The following STXBP2 variants were observed in gnomAD, a reference collection of about 807,000 sequenced individuals.
STXBP2 encodes the protein syntaxin-binding protein 2.
STXBP2 carries 47 observed loss-of-function variants against 72.2 expected under a neutral mutation model. The ratio of observed to expected loss-of-function variants is 0.65; its 90% CI spans 0.51 to 0.83. STXBP2 has a LOEUF of 0.83. Ranked by LOEUF, STXBP2 falls within the 40% of genes least tolerant of loss-of-function variation. STXBP2 has a pLI of 0.00. For synonymous variants in STXBP2, 367 were observed against 338.7 expected (o/e 1.08, Z -0.92); for missense variants, 702 against 807.6 (o/e 0.87, Z 1.58).
At chr19:7,630,536 G>A in the STXBP2 span, 3 of 1,465,136 alleles carry the variant, frequency 2.0e-6, no homozygotes, top group African/African-American at 1.4e-5. Flanking sequence ...CACATTGCTT[G>A]GGGGGAGCTC....
the STXBP2 span, chr19:7,631,661 C>T: frequency 1.6e-5 from 23 of 1,453,234 alleles, no homozygotes; most frequent in South Asian, 1.3e-4. Flanking sequence ...TTTTGGGGGC[C>T]GAGTGAGACC....
chr19:7,640,255 T>A (rs569674011), intron 4 of STXBP2: 3 of 542,718 alleles, frequency 5.5e-6, no homozygotes, highest in Non-Finnish European at 1.1e-5. Flanking sequence ...TGTGTGTGCA[T>A]GTGTGTATGC....
upstream of STXBP2, among the ~76,000 whole-genome samples, chr19:7,634,544 T>TA (rs200933273): frequency 3.0e-4 from 46 of 152,314 alleles, no homozygotes; most frequent in East Asian, 6.7e-3. Context: ...TTGTTATATA[T>TA]TTTTATATAG....
chr19:7,645,384 T>C (rs987970910), intron 15 of STXBP2, 78 bp downstream of exon 15: 1 of 1,330,890 alleles, frequency 7.5e-7, no homozygotes, highest in Non-Finnish European at 1.0e-6. Flanking sequence ...CAGAGGGCCA[T>C]TGGTGCACAG....
intron 13 of STXBP2, chr19:7,644,376 A>G (rs1448896734): frequency 1.8e-6 from 1 of 567,144 alleles, no homozygotes; most frequent in African/African-American, 2.0e-5. Context: ...GTCTCAGGAT[A>G]GTGGTGTGAC....
At chr19:7,640,441 CATGTGTGT>C in intron 4 of STXBP2, 1 of 602,454 alleles carries the variant, frequency 1.7e-6, no homozygotes, top group African/African-American at 2.3e-5. Flanking sequence ...TGTGTGTGTG[CATGTGTGT>C]ATGTATGTGT....
At chr19:7,639,159 C>T (rs2146206963) in intron 3 of STXBP2, 59 bp downstream of exon 3, 1 of 1,565,258 alleles carries the variant, frequency 6.4e-7, no homozygotes. Flanking sequence ...TGACTGTGCC[C>T]CTCTCCCAGG....
At chr19:7,632,505 G>T, upstream of STXBP2, 4 of 1,613,400 alleles carry the variant, frequency 2.5e-6, no homozygotes, top group Non-Finnish European at 3.4e-6. This position sits in a 1 kb window ranked among gnomAD's most constrained non-coding sequence, Gnocchi z 5.2. Context: ...CATCTCGGGG[G>T]TGGGGTCGCT....
At chr19:7,634,090 G>A (rs2031441940), upstream of STXBP2, among the ~76,000 whole-genome samples, 1 of 152,166 alleles carries the variant, frequency 6.6e-6, no homozygotes, top group African/African-American at 2.4e-5. Context: ...AAACAAGAAA[G>A]TCTGGGGTCT....
chr19:7,637,037 T>G (rs1018963327), upstream of STXBP2: 9 of 1,156,844 alleles, frequency 7.8e-6, no homozygotes, highest in African/African-American at 1.6e-5. Context: ...AGGGGCCAGG[T>G]GCGCAGGGGG....
chr19:7,639,805 A>G lies in STXBP2; in HGVS notation c.244A>G (p.Lys82Glu). The change falls in exon 4 of 19, where the codon AAG becomes GAG. Residue 82 changes from lysine (K) to glutamate (E), a missense_variant and splice_region_variant. Lys to Glu is a moderately conservative substitution (Grantham distance 56, BLOSUM62 1). Coordinates refer to ENST00000221283, the MANE Select transcript of STXBP2 (RefSeq NM_006949.4). The part of the protein sequence containing the change: ...EAIYLLSPTE[K>E]SVQALIKDFQ... ...CATTTATTTGCTGAGCCCCACGGAG[A>G]AGGTGCCTACATGAGTGAGCGTGTG... is the stretch of plus-strand genomic sequence containing the variant. The G allele has an allele frequency of 6.2e-7, 1 of 1,613,876 alleles. No individual in the cohort carries two copies. Among genetic ancestry groups the G allele is most frequent in the East Asian group, 2.2e-5 (1 of 44,884 alleles).
intron 16 of STXBP2, chr19:7,646,617 A>C (rs1363844530): frequency 5.6e-5 from 30 of 532,422 alleles, no homozygotes; most frequent in South Asian, 3.9e-4. Flanking sequence ...GTCCCGCAGG[A>C]GTGCCCCTGA....
At chr19:7,640,332 A>C in intron 4 of STXBP2, 1 of 473,692 alleles carries the variant, frequency 2.1e-6, no homozygotes, top group Non-Finnish European at 3.9e-6. Context: ...GTGCGTGTGT[A>C]TGCGTGTGTG....
At chr19:7,631,448 G>A in the STXBP2 span, 2 of 1,523,686 alleles carry the variant, frequency 1.3e-6, no homozygotes, top group Non-Finnish European at 1.8e-6. Context: ...CCCCCTTCCT[G>A]TCCCACCCGC....
intron 4 of STXBP2, chr19:7,640,036 G>A (rs752933143): frequency 1.1e-4 from 71 of 660,272 alleles, no homozygotes; most frequent in African/African-American, 5.5e-4. Context: ...ATGTGTGTGC[G>A]TCTGTGTGTG....
At chr19:7,639,582 T>C in intron 3 of STXBP2, 149 bp from the exon 4 acceptor site, 1 of 735,134 alleles carries the variant, frequency 1.4e-6, no homozygotes, top group South Asian at 1.5e-5. Flanking sequence ...GTGTGGCTCT[T>C]AGCTGGTGGT....
chr19:7,630,523 C>G, the STXBP2 span: 1 of 1,427,554 alleles, frequency 7.0e-7, no homozygotes, highest in Non-Finnish European at 9.5e-7. Context: ...TGAGGAGCCT[C>G]TGCACATTGC....
upstream of STXBP2, among the ~76,000 whole-genome samples, chr19:7,635,850 C>T (rs1370128675): frequency 6.6e-6 from 1 of 152,176 alleles, no homozygotes; most frequent in Non-Finnish European, 1.5e-5. Context: ...CACTGAAAGT[C>T]CTGCATCCTG....
chr19:7,635,964 A>G (rs2031514668), upstream of STXBP2, among the ~76,000 whole-genome samples: 1 of 151,984 alleles, frequency 6.6e-6, no homozygotes, highest in Non-Finnish European at 1.5e-5. Flanking sequence ...CTCTACCTGG[A>G]CATGCTGTGT....
Sources: allele counts gnomAD v4.1 joint callset (sites outside exome capture counted in the v4.1 genomes callset), GRCh38; gene constraint gnomAD v4.1.1; non-coding constraint Gnocchi (gnomAD v3.1); transcripts MANE v1.5; gene names NCBI Gene and HGNC (gene_info 2026-07-23, HGNC 2026-07-21).